The following PPFIA3 variants were observed in gnomAD, a reference collection of about 807,000 sequenced individuals.
PPFIA3 encodes PPFI scaffold protein A3.
Under a neutral mutation model 145.8 loss-of-function variants are expected in PPFIA3, and 26 were observed. That is an observed-to-expected ratio of 0.18 (90% CI 0.13 to 0.25). The LOEUF (loss-of-function observed/expected upper bound fraction) is 0.25. Ranked by LOEUF, PPFIA3 falls within the 10% of genes least tolerant of loss-of-function variation. The probability of loss-of-function intolerance (pLI) is 1.00; values close to 1 mark genes in which losing one functional copy is unlikely to be tolerated. For missense variants in PPFIA3, 1,008 were observed against 1,587.8 expected, an observed-to-expected ratio of 0.63 and a Z score of 6.21; for synonymous variants, 645 against 661.4, an observed-to-expected ratio of 0.98 and a Z score of 0.38.
At chr19:49,143,466 G>C (rs1309982054) in intron 21 of PPFIA3, among the ~76,000 whole-genome samples, 2 of 151,980 alleles carry the variant, frequency 1.3e-5, no homozygotes, top group African/African-American at 4.8e-5. Context: ...CCTGCCTCCC[G>C]GGTTCAAGCC....
intron 16 of PPFIA3, among the ~76,000 whole-genome samples, chr19:49,138,828 T>C (rs1184484310): frequency 6.6e-6 from 1 of 152,010 alleles, no homozygotes; most frequent in Non-Finnish European, 1.5e-5. Flanking sequence ...AAAATTAGCC[T>C]GGCCTGGTGG....
chr19:49,141,588 ATG>A (rs1035494827), intron 19 of PPFIA3, 75 bp downstream of exon 19: 12 of 1,066,498 alleles, frequency 1.1e-5, no homozygotes, highest in South Asian at 4.3e-5. Flanking sequence ...GTGTGCGTGT[ATG>A]TGTGTGTATG....
Position 49,146,149 on chromosome 19 carries a change from T to C in PPFIA3, c.2809-17T>C. ...TTAACTCACCCCTTCTCTCCCCTCTTCCTACTAACGGGTCAGGAGACCAAG... is the reference window on the plus strand; with the variant it reads ...TTAACTCACCCCTTCTCTCCCCTCTCCCTACTAACGGGTCAGGAGACCAAG... On this transcript the variant is annotated splice_polypyrimidine_tract_variant and intron_variant, in intron 22 of 29. Transcript: ENST00000334186. 1 of 1,614,034 alleles carries C rather than the reference T, an allele frequency of 6.2e-7. No individual in the cohort carries two copies. Among genetic ancestry groups the C allele is most frequent in the Non-Finnish European group, 8.5e-7 (1 of 1,179,984 alleles).
Position 49,150,987 on chromosome 19 carries a change from G to C in PPFIA3, c.*765G>C, listed in dbSNP as rs571098436. The C allele has an allele frequency of 3.6e-6, 1 of 280,282 alleles. No homozygotes were observed. The highest frequency in any genetic ancestry group is 2.2e-5 in the African/African-American group (1 of 45,110). The allele number at this position is 280,282 out of a possible 1,614,324, so 17.4% of individuals were successfully genotyped here. A position where few individuals can be genotyped will look rare whatever the true frequency, so the allele number is the denominator to read the frequency against. ...CTCGGTCGGCCTCCCCGCCCCAGGC[G>C]TCACTCAGTGATCACGGGTAAAGAG... is the stretch of plus-strand genomic sequence containing the variant. On this transcript the variant is annotated 3_prime_UTR_variant, in exon 30 of 30. Coordinates refer to ENST00000334186, the MANE Select transcript of PPFIA3 (RefSeq NM_003660.4).
intron 7 of PPFIA3, among the ~76,000 whole-genome samples, chr19:49,131,879 G>A (rs941869224): frequency 6.6e-6 from 1 of 151,914 alleles, no homozygotes; most frequent in African/African-American, 2.4e-5. Context: ...GCGTGATGTC[G>A]GGCGCCCGTA....
chr19:49,141,644 CGGT>C (rs2041225451), intron 19 of PPFIA3, 131 bp downstream of exon 19: 19 of 635,136 alleles, frequency 3.0e-5, no homozygotes, highest in South Asian at 5.6e-5. Flanking sequence ...GTGTGTGCAG[CGGT>C]GGTGGTGGTG....
Position 49,130,122 on chromosome 19 carries a change from AT to A in PPFIA3, c.657+56del, listed in dbSNP as rs1249139659. On this transcript the variant is annotated intron_variant, in intron 6 of 29. Transcript: ENST00000334186. This position sits in a 1 kb window ranked among gnomAD's most constrained non-coding sequence, Gnocchi z 4.5. ...CTCCATTCAACTCCCTGACTTTGTGATAGTGTTTGTAACGTTTGGTATCATC... is the reference window on the plus strand; with the variant it reads ...CTCCATTCAACTCCCTGACTTTGTGAAGTGTTTGTAACGTTTGGTATCATC... The A allele has an allele frequency of 6.5e-7, 1 of 1,548,056 alleles. No homozygotes were observed. Among genetic ancestry groups the A allele is most frequent in the Non-Finnish European group, 8.8e-7 (1 of 1,132,962 alleles).
Position 49,129,478 on chromosome 19 carries a change from A to T in PPFIA3, c.582+24A>T, listed in dbSNP as rs1325984428. ...AGGTGTGGGTGTGGCCAAGACAGGG[A>T]ATTTGAATCCAAGGGGAGGGGCTAA... is the stretch of plus-strand genomic sequence containing the variant. On this transcript the variant is annotated intron_variant, in intron 5 of 29. Transcript: ENST00000334186. 1.9e-6 allele frequency: 3 copies of T among 1,550,694 alleles called. No individual in the cohort carries two copies. The African/African-American group carries it at 4.1e-5, about 21-fold the overall frequency.
In PPFIA3 at chr19:49,128,827, C is replaced by A; in HGVS notation, c.343-21C>A. 6.3e-7 allele frequency: 1 copy of A among 1,580,924 alleles called. No individual in the cohort carries two copies. Among genetic ancestry groups the A allele is most frequent in the Non-Finnish European group, 8.6e-7 (1 of 1,163,552 alleles). ...CTTTTCCCTTGCCTCTTTTCCTTGA[C>A]CCCATGCCGTGTGCTTGCAGCTGCT... is the stretch of plus-strand genomic sequence containing the variant. On this transcript the variant is annotated intron_variant, in intron 3 of 29. Coordinates refer to ENST00000334186, the MANE Select transcript of PPFIA3 (RefSeq NM_003660.4). This position sits in a 1 kb window ranked among gnomAD's most constrained non-coding sequence, Gnocchi z 4.1.
At position 49,130,464 on chromosome 19, in the gene PPFIA3, G is replaced by C. The variant is rs1288107468; in HGVS notation, c.744G>C (p.Glu248Asp). The C allele has an allele frequency of 6.2e-7, 1 of 1,608,916 alleles. No individual in the cohort carries two copies. ...LEEALERQRA[E>D]VCQLRERLAV... ...AGGCCCTGGAGCGGCAGCGCGCCGA[G>C]GTGTGCCAGCTGCGGGAGCGCCTGG... Residue 248 changes from glutamate (E) to aspartate (D), a missense_variant, in exon 7 of 30, where the codon GAG becomes GAC. This residue lies in a region of PPFIA3 where 136 missense variants were observed against 160.7 expected (regional missense o/e 0.85). Transcript: ENST00000334186. This position sits in a 1 kb window ranked among gnomAD's most constrained non-coding sequence, Gnocchi z 4.5.
chr19:49,128,366 G>A lies in PPFIA3; in HGVS notation c.241-1G>A. 1 of 1,614,028 alleles carries A rather than the reference G, an allele frequency of 6.2e-7. No homozygotes were observed. Among genetic ancestry groups the A allele is most frequent in the Non-Finnish European group, 8.5e-7 (1 of 1,179,908 alleles). ...TCCAGATCCTGCCAATGTCTGGACA[G>A]GAGTTTGCAGCTCTGACGAAGGAGC... On this transcript the variant is annotated splice_acceptor_variant, in intron 2 of 29. Transcript: ENST00000334186. LOFTEE classifies it high-confidence loss of function. The surrounding 1 kb of genome is among the most constrained non-coding windows in gnomAD (Gnocchi z 4.1).
chr19:49,130,445 T>C lies in PPFIA3; in HGVS notation c.725T>C (p.Leu242Pro). 1 of 1,610,344 alleles carries C rather than the reference T, an allele frequency of 6.2e-7. No homozygotes were observed. The highest frequency in any genetic ancestry group is 8.5e-7 in the Non-Finnish European group (1 of 1,178,742). The change falls in exon 7 of 30, where the codon CTG (leucine) becomes CCG (proline). Residue 242 changes from leucine (L) to proline (P), a missense_variant. Around this residue, in one of 11 missense-constraint regions of PPFIA3, gnomAD observed 136 missense variants for 160.7 expected, o/e 0.85. Transcript: ENST00000334186. The surrounding 1 kb of genome is among the most constrained non-coding windows in gnomAD (Gnocchi z 4.5). ...CGCACAGCAGAGCTGGAGGAGGCCCTGGAGCGGCAGCGCGCCGAGGTGTGC... is the reference window on the plus strand; with the variant it reads ...CGCACAGCAGAGCTGGAGGAGGCCCCGGAGCGGCAGCGCGCCGAGGTGTGC... ...NRRTAELEEA[L>P]ERQRAEVCQL... is the part of the protein sequence containing the mutation.
At chr19:49,142,170 C>G (rs373940232) in intron 20 of PPFIA3, 55 bp downstream of exon 20, 1 of 1,489,468 alleles carries the variant, frequency 6.7e-7, no homozygotes. Flanking sequence ...CTGACAGCCC[C>G]ACTGGTAGGG....
At position 49,143,586 on chromosome 19, in the gene PPFIA3, T is replaced by C. The variant is rs563122557; in HGVS notation, c.2745+582T>C. On this transcript the variant is annotated intron_variant, in intron 21 of 29. Transcript: ENST00000334186. Reference sequence around the variant, plus strand: ...CAGGGTTTTGACACGTTGGCCAGACTGGTCTTGAACTCCCGACCTCAGGTG... The same window carrying C: ...CAGGGTTTTGACACGTTGGCCAGACCGGTCTTGAACTCCCGACCTCAGGTG... Among the ~76,000 whole-genome samples, 3 of 152,276 alleles carry C rather than the reference T, an allele frequency of 2.0e-5. No homozygotes were observed. The East Asian group carries it at 5.8e-4, about 29-fold the overall frequency.
In PPFIA3 at chr19:49,133,764, G is replaced by T. The variant is rs377425441; in HGVS notation, c.1162-32G>T. The T allele has an allele frequency of 9.3e-6, 15 of 1,604,534 alleles. No homozygotes were observed. Among genetic ancestry groups the T allele is most frequent in the Non-Finnish European group, 1.3e-5 (15 of 1,173,230 alleles). On this transcript the variant is annotated intron_variant, in intron 9 of 29. Transcript: ENST00000334186. This position sits in a 1 kb window ranked among gnomAD's most constrained non-coding sequence, Gnocchi z 7.2. ...TGGGAGCCTGACTGATCCTGGAAGG[G>T]TAAGTCACACGCCATGGGTTCCATC...
At position 49,141,486 on chromosome 19, in the gene PPFIA3, G is replaced by A; in HGVS notation, c.2435G>A (p.Gly812Glu). Residue 812 changes from glycine (G) to glutamate (E), a missense_variant, in exon 19 of 30, where the codon GGA becomes GAA. This residue lies in a region of PPFIA3 where 154 missense variants were observed against 369.2 expected (regional missense o/e 0.42). Transcript: ENST00000334186. ...PLGLAKLTGP[G>E]DKDRRNKRKH... ...GGGCTAGCCAAGCTGACAGGCCCAG[G>A]AGACAAGGACCGAAGGAACAAGAGG... The A allele has an allele frequency of 6.2e-7, 1 of 1,614,052 alleles. No individual in the cohort carries two copies. The highest frequency in any genetic ancestry group is 8.5e-7 in the Non-Finnish European group (1 of 1,179,966).
intron 14 of PPFIA3, among the ~76,000 whole-genome samples, chr19:49,136,450 G>A (rs917236269): frequency 1.3e-5 from 2 of 152,178 alleles, no homozygotes; most frequent in East Asian, 1.9e-4. Flanking sequence ...TTAGCCGGGC[G>A]TGGTAGCGGG....
intron 15 of PPFIA3, 75 bp from the exon 16 acceptor site, chr19:49,138,130 C>T (rs2122600890): frequency 2.8e-6 from 4 of 1,452,174 alleles, no homozygotes; most frequent in Non-Finnish European, 3.7e-6. Context: ...CCTTTCTGGC[C>T]CATTGTGCTC....
At chr19:49,136,563 A>G (rs965144956) in intron 14 of PPFIA3, among the ~76,000 whole-genome samples, 161 bp from the exon 15 acceptor site, 8 of 152,342 alleles carry the variant, frequency 5.3e-5, no homozygotes, top group African/African-American at 1.9e-4. Context: ...TGGGCGACAG[A>G]ATGAGACTCT....
Sources: allele counts gnomAD v4.1 joint callset (sites outside exome capture counted in the v4.1 genomes callset), GRCh38; gene constraint gnomAD v4.1.1; regional missense constraint gnomAD v4.1.1; non-coding constraint Gnocchi (gnomAD v3.1); transcripts MANE v1.5; gene names NCBI Gene and HGNC (gene_info 2026-07-23, HGNC 2026-07-21).